TMTC2: variants seen among roughly 807,000 people sequenced by gnomAD.
The protein encoded by TMTC2 is protein O-mannosyl-transferase TMTC2.
Under a neutral mutation model 82.4 loss-of-function variants are expected in TMTC2, and 43 were observed. The ratio of observed to expected loss-of-function variants is 0.52; its 90% CI spans 0.41 to 0.67. The LOEUF (loss-of-function observed/expected upper bound fraction) is 0.67, where lower values mean the gene tolerates loss of function less well. TMTC2 is among the 30% of genes least tolerant of loss of function. The pLI is 0.00. For synonymous variants in TMTC2, 408 were observed against 381.9 expected (o/e 1.07, Z -0.80); for missense variants, 919 against 1,012.4 (o/e 0.91, Z 1.25).
rs567300044 is a variant in TMTC2, at chr12:82,838,791, T to A, written c.84-18219T>A. 3.3e-5 allele frequency among the ~76,000 whole-genome samples: 5 copies of A among 151,890 alleles called. No homozygotes were observed. The East Asian group carries it at 9.7e-4, about 29-fold the overall frequency. On this transcript the variant is annotated intron_variant, in intron 1 of 11. Transcript: ENST00000321196. ...TTATTAATATTTTTTCTTGTTTTTT[T>A]TTTTTTTTGAGATGAGTAGGACGAT... is the stretch of plus-strand genomic sequence containing the variant.
chr12:83,084,615 G>A (rs926864642), intron 11 of TMTC2, among the ~76,000 whole-genome samples: 1 of 152,182 alleles, frequency 6.6e-6, no homozygotes, highest in South Asian at 2.1e-4. Context: ...CCTATCATTA[G>A]TCAATTTTAT....
chr12:82,966,158 T>C (rs1177120762), intron 6 of TMTC2, among the ~76,000 whole-genome samples: 1 of 152,176 alleles, frequency 6.6e-6, no homozygotes. Flanking sequence ...ATATATTCTT[T>C]GTACTTTAAG....
intron 4 of TMTC2, among the ~76,000 whole-genome samples, chr12:82,938,305 A>C (rs1004671072): frequency 6.6e-6 from 1 of 152,140 alleles, no homozygotes. Flanking sequence ...CAATGGTCAG[A>C]GATTGCAGAA....
At chr12:82,916,416 G>A (rs112693496) in intron 3 of TMTC2, among the ~76,000 whole-genome samples, 1 of 151,574 alleles carries the variant, frequency 6.6e-6, no homozygotes, top group Non-Finnish European at 1.5e-5. Context: ...AGGGACATAG[G>A]GCAAAATTGA....
chr12:83,079,470 A>G (rs1176246397), intron 11 of TMTC2, among the ~76,000 whole-genome samples: 1 of 152,112 alleles, frequency 6.6e-6, no homozygotes, highest in Non-Finnish European at 1.5e-5. Flanking sequence ...TTTTCTCAAC[A>G]GAGTTCAAGT....
chr12:82,950,148 C>T (rs1877270541), intron 4 of TMTC2, among the ~76,000 whole-genome samples: 2 of 152,164 alleles, frequency 1.3e-5, no homozygotes, highest in African/African-American at 4.8e-5. Flanking sequence ...GAATTTGAAT[C>T]TCATCTTGAG....
intron 1 of TMTC2, among the ~76,000 whole-genome samples, chr12:82,826,456 GT>G (rs1196556255): frequency 3.3e-5 from 5 of 151,886 alleles, no homozygotes; most frequent in Admixed American, 3.3e-4. Flanking sequence ...GATTTTTCTT[GT>G]TCCCTGCTAA....
chr12:83,095,252 T>G (rs1348128719), intron 11 of TMTC2, among the ~76,000 whole-genome samples: 3 of 151,338 alleles, frequency 2.0e-5, no homozygotes, highest in Non-Finnish European at 4.4e-5. Context: ...GTTTTTTTTG[T>G]TTTTTTGAGA....
At chr12:83,011,131 G>T (rs548454764) in intron 8 of TMTC2, among the ~76,000 whole-genome samples, 1 of 152,182 alleles carries the variant, frequency 6.6e-6, no homozygotes. Flanking sequence ...CACTGCGCCC[G>T]GCCTGACGAT....
At chr12:82,769,831 G>C (rs1309326382) in intron 1 of TMTC2, among the ~76,000 whole-genome samples, 1 of 152,026 alleles carries the variant, frequency 6.6e-6, no homozygotes, top group Non-Finnish European at 1.5e-5. Flanking sequence ...GGCTGGTCTT[G>C]AACTCCTGAC....
chr12:82,979,263 T>G (rs1460192441), intron 7 of TMTC2, among the ~76,000 whole-genome samples: 1 of 151,736 alleles, frequency 6.6e-6, no homozygotes, highest in Non-Finnish European at 1.5e-5. Context: ...CTTTACTTCC[T>G]TCCTGTCTTT....
At chr12:82,715,347 A>G (rs539390942) in intron 1 of TMTC2, among the ~76,000 whole-genome samples, 3 of 152,254 alleles carry the variant, frequency 2.0e-5, no homozygotes, top group Middle Eastern at 3.4e-3. Context: ...GAGTGATGAC[A>G]CCACCATGCA....
intron 11 of TMTC2, among the ~76,000 whole-genome samples, chr12:83,074,855 G>A (rs910498941): frequency 4.6e-5 from 7 of 152,066 alleles, no homozygotes; most frequent in African/African-American, 1.2e-4. Flanking sequence ...CTGGATTTGC[G>A]CTCTCCCCTA....
chr12:82,761,072 G>T (rs983918315), intron 1 of TMTC2: 6 of 154,260 alleles, frequency 3.9e-5, no homozygotes, highest in African/African-American at 1.2e-4. Flanking sequence ...CATGAAACTG[G>T]TCCCTTGTAC....
At chr12:82,814,993 G>A (rs145925359) in intron 1 of TMTC2, among the ~76,000 whole-genome samples, 16 of 152,104 alleles carry the variant, frequency 1.1e-4, no homozygotes, top group Non-Finnish European at 1.3e-4. Flanking sequence ...GAGGATGAGC[G>A]GGTGTAAACC....
intron 1 of TMTC2, among the ~76,000 whole-genome samples, chr12:82,828,168 C>A (rs1326797269): frequency 6.7e-6 from 1 of 150,264 alleles, no homozygotes; most frequent in Non-Finnish European, 1.5e-5. Flanking sequence ...ACTGGGATTA[C>A]AGGAGTGAGC....
intron 11 of TMTC2, among the ~76,000 whole-genome samples, chr12:83,109,839 A>G: frequency 6.6e-6 from 1 of 152,252 alleles, no homozygotes; most frequent in Non-Finnish European, 1.5e-5. Context: ...ATCCTGAAGC[A>G]TGAATAAAGA....
chr12:83,050,934 T>G lies in TMTC2; in HGVS notation c.2183T>G (p.Ile728Arg), dbSNP rs1882321599. The change falls in exon 10 of 12, where the codon ATA (isoleucine) becomes AGA (arginine). Residue 728 changes from isoleucine (I) to arginine (R), a missense_variant. Coordinates refer to ENST00000321196, the MANE Select transcript of TMTC2 (RefSeq NM_152588.3). ...TTTCTTCTGGAAGAAGCTCGTCTCA[T>G]AGAAGCAGCTGAGATGGCAAAAAAA... is the stretch of plus-strand genomic sequence containing the variant. ...GQFLLEEARL[I>R]EAAEMAKKAA... 6.2e-7 allele frequency: 1 copy of G among 1,613,112 alleles called. No homozygotes were observed. Among genetic ancestry groups the G allele is most frequent in the South Asian group, 1.1e-5 (1 of 91,000 alleles).
intron 2 of TMTC2, among the ~76,000 whole-genome samples, chr12:82,863,230 C>T (rs796551909): frequency 2.6e-5 from 4 of 152,220 alleles, no homozygotes; most frequent in African/African-American, 9.6e-5. Flanking sequence ...ATACTCAACA[C>T]CTGTGCCACT....
Sources: gnomAD v4.1 joint callset for allele counts (sites outside exome capture counted in the v4.1 genomes callset) on GRCh38, gnomAD v4.1.1 for gene constraint, MANE v1.5 for transcripts, NCBI Gene and HGNC (gene_info 2026-07-23, HGNC 2026-07-21) for gene names.